SPATA17: variants seen among roughly 807,000 people sequenced by gnomAD.
SPATA17 encodes the protein spermatogenesis-associated protein 17.
SPATA17 carries 53 observed loss-of-function variants against 62.2 expected under a neutral mutation model. The ratio of observed to expected loss-of-function variants is 0.85; its 90% confidence interval spans 0.68 to 1.07. The LOEUF (loss-of-function observed/expected upper bound fraction) is 1.07. Among genes scored for constraint, SPATA17 ranks in the 50% least tolerant of loss-of-function variants. The probability of loss-of-function intolerance (pLI) is 0.00; values close to 1 mark genes in which losing one functional copy is unlikely to be tolerated. For synonymous variants in SPATA17, 146 were observed against 146.8 expected, an observed-to-expected ratio of 0.99 and a Z score of 0.04; for missense variants, 466 against 425.5, an observed-to-expected ratio of 1.10 and a Z score of -0.84.
In SPATA17 at chr1:217,677,555, T is replaced by A. The variant is rs866029692; in HGVS notation, c.292-5703T>A. ...TATTGTTCTGGGCATACAGAATGAA[T>A]AACAGTTTTATTCATACAAAAAAGG... On this transcript the variant is annotated intron_variant, in intron 4 of 10. Transcript: ENST00000366933. Among the ~76,000 whole-genome samples, 3 of 152,148 alleles carry A rather than the reference T, an allele frequency of 2.0e-5. No individual in the cohort carries two copies. The Middle Eastern group carries it at 0.01, about 518-fold the overall frequency.
intron 3 of SPATA17, among the ~76,000 whole-genome samples, chr1:217,654,179 C>T (rs1029933901): frequency 6.7e-6 from 1 of 149,548 alleles, no homozygotes; most frequent in African/African-American, 2.5e-5. Context: ...GCTCTGTTGT[C>T]CAGACTGGAG....
At chr1:217,838,903 C>T (rs1462036224) in intron 9 of SPATA17, among the ~76,000 whole-genome samples, 1 of 152,052 alleles carries the variant, frequency 6.6e-6, no homozygotes, top group African/African-American at 2.4e-5. Flanking sequence ...TATATGAAAT[C>T]ACTGTTTTGC....
In SPATA17 at chr1:217,754,540, G is replaced by GGACACATCTAA. The variant is rs1672996139; in HGVS notation, c.519+12442_519+12443insGACACATCTAA. 3.3e-5 allele frequency among the ~76,000 whole-genome samples: 5 copies of GGACACATCTAA among 152,100 alleles called. No homozygotes were observed. The South Asian group carries it at 1.0e-3, about 32-fold the overall frequency. ...ACACTTCAGAAATATTTTGGATTGA[G>GGACACATCTAA]CCCAGTCATGAGTTAGATGCTATTA... On this transcript the variant is annotated intron_variant, in intron 6 of 10. Transcript: ENST00000366933.
At chr1:217,845,299 T>C (rs1403224086) in intron 9 of SPATA17, among the ~76,000 whole-genome samples, 1 of 152,128 alleles carries the variant, frequency 6.6e-6, no homozygotes. Flanking sequence ...GAGCACTAGA[T>C]GCATTCACTA....
chr1:217,714,488 C>CTTTTTTTTTTTTTT lies in SPATA17; in HGVS notation c.396-27486_396-27473dup, dbSNP rs750665329. Among the ~76,000 whole-genome samples, 144 of 121,360 alleles carry CTTTTTTTTTTTTTT rather than the reference C, an allele frequency of 1.2e-3. 11 individuals are homozygous for CTTTTTTTTTTTTTT. The highest frequency in any genetic ancestry group is 2.7e-3 in the African/African-American group (83 of 30,664). The allele number at this position is 121,360 out of a possible 152,430, so 79.6% of individuals were successfully genotyped here. On this transcript the variant is annotated intron_variant, in intron 5 of 10. Coordinates refer to ENST00000366933, the MANE Select transcript of SPATA17 (RefSeq NM_138796.4). ...TGAGTTGAACGTGGAAAACGTGTTTCTTTTTTTTTTTTTTGAGACAGAGTC... is the reference window on the plus strand; with the variant it reads ...TGAGTTGAACGTGGAAAACGTGTTTCTTTTTTTTTTTTTTTTTTTTTTTTTTTTGAGACAGAGTC...
chr1:217,684,964 T>C (rs961139971), intron 5 of SPATA17, among the ~76,000 whole-genome samples: 1 of 152,142 alleles, frequency 6.6e-6, no homozygotes, highest in Admixed American at 6.5e-5. Context: ...AAGGCTTCAA[T>C]AGGATTTAGT....
intron 2 of SPATA17, among the ~76,000 whole-genome samples, chr1:217,650,451 C>G (rs1305909444): frequency 6.6e-6 from 1 of 151,954 alleles, no homozygotes; most frequent in African/African-American, 2.4e-5. Flanking sequence ...GAGTCTTGCT[C>G]TGTCACCCAG....
chr1:217,722,327 T>C (rs575973086), intron 5 of SPATA17, among the ~76,000 whole-genome samples: 1 of 152,088 alleles, frequency 6.6e-6, no homozygotes, highest in Non-Finnish European at 1.5e-5. Context: ...ACATTAGCCA[T>C]CCTGCAGGTA....
At chr1:217,712,128 C>CTTTTTTTTTTTTTTTTTTTTTTTTT (rs551988828) in intron 5 of SPATA17, among the ~76,000 whole-genome samples, 3 of 134,118 alleles carry the variant, frequency 2.2e-5, no homozygotes, top group African/African-American at 5.7e-5. Context: ...ACAATATGTT[C>CTTTTTTTTTTTTTTTTTTTTTTTTT]TTTTGTTTTT....
chr1:217,804,818 C>A (rs1674395547), intron 9 of SPATA17, among the ~76,000 whole-genome samples: 1 of 152,068 alleles, frequency 6.6e-6, no homozygotes, highest in Non-Finnish European at 1.5e-5. Context: ...CAGGGAAATG[C>A]AAACAGAAAC....
intron 1 of SPATA17, among the ~76,000 whole-genome samples, chr1:217,631,920 C>T (rs11589536): frequency 6.6e-6 from 1 of 151,934 alleles, no homozygotes; most frequent in Non-Finnish European, 1.5e-5. Context: ...TGGTGGCTCA[C>T]GCCTGTAATC....
At chr1:217,860,433 T>A (rs1349435604) in intron 9 of SPATA17, among the ~76,000 whole-genome samples, 2 of 152,150 alleles carry the variant, frequency 1.3e-5, no homozygotes, top group East Asian at 3.9e-4. Flanking sequence ...GGTAGTACTC[T>A]TCAATTATAT....
Position 217,867,295 on chromosome 1 carries a change from C to T in SPATA17, c.*276C>T, listed in dbSNP as rs953358300. The T allele has an allele frequency of 6.6e-6, 1 of 152,122 alleles. No homozygotes were observed. Among genetic ancestry groups the T allele is most frequent in the Non-Finnish European group, 1.5e-5 (1 of 68,026 alleles). The allele number at this position is 152,122 out of a possible 1,614,324, so 9.4% of individuals were successfully genotyped here. Reference sequence around the variant, plus strand: ...GACCAACAGTGCCATAAATGGTTCCCCTGAAATACCCATATTCTGACCCCA... The same window carrying T: ...GACCAACAGTGCCATAAATGGTTCCTCTGAAATACCCATATTCTGACCCCA... On this transcript the variant is annotated 3_prime_UTR_variant, in exon 11 of 11. Coordinates refer to ENST00000366933, the MANE Select transcript of SPATA17 (RefSeq NM_138796.4).
chr1:217,763,397 GAA>G (rs35735781), intron 6 of SPATA17, among the ~76,000 whole-genome samples: 10 of 146,998 alleles, frequency 6.8e-5, no homozygotes, highest in East Asian at 4.0e-4. Context: ...TAAGCAGATG[GAA>G]AAAAAAAAAC....
chr1:217,862,483 G>T (rs1165432814), intron 9 of SPATA17, among the ~76,000 whole-genome samples: 1 of 152,118 alleles, frequency 6.6e-6, no homozygotes, highest in African/African-American at 2.4e-5. Flanking sequence ...AATTTAGATT[G>T]CGACTCATTG....
chr1:217,750,706 G>T (rs1300864209), intron 6 of SPATA17, among the ~76,000 whole-genome samples: 1 of 152,156 alleles, frequency 6.6e-6, no homozygotes, highest in Non-Finnish European at 1.5e-5. Flanking sequence ...CCAGTAGTTT[G>T]TATGAATGTT....
chr1:217,705,048 C>T (rs533358995), intron 5 of SPATA17, among the ~76,000 whole-genome samples: 18 of 152,150 alleles, frequency 1.2e-4, no homozygotes, highest in East Asian at 1.9e-4. Context: ...CCTTTTTTTG[C>T]GACCTTGCCA....
In SPATA17 at chr1:217,801,796, T is replaced by A. The variant is rs1484808364; in HGVS notation, c.951T>A (p.Ile317=). Residue 317 remains isoleucine, a synonymous_variant, in exon 9 of 11, where the codon ATT becomes ATA. Transcript: ENST00000366933. Reference sequence around the variant, plus strand: ...ATTTATCAAGCAAGTATGGTCCTATTTCTTACAAAGAACAATTCCGAAGTG... The same window carrying A: ...ATTTATCAAGCAAGTATGGTCCTATATCTTACAAAGAACAATTCCGAAGTG... ...SMHLSSKYGP[I]SYKEQFRSEN... 6 of 1,611,864 alleles carry A rather than the reference T, an allele frequency of 3.7e-6. No individual in the cohort carries two copies. The highest frequency in any genetic ancestry group is 4.2e-6 in the Non-Finnish European group (5 of 1,179,164).
intron 5 of SPATA17, among the ~76,000 whole-genome samples, chr1:217,728,266 T>C (rs1672316520): frequency 6.6e-6 from 1 of 152,144 alleles, no homozygotes; most frequent in South Asian, 2.1e-4. Context: ...CACATTAAAA[T>C]TGCTAACATA....
Sources: allele counts gnomAD v4.1 joint callset (sites outside exome capture counted in the v4.1 genomes callset), GRCh38; gene constraint gnomAD v4.1.1; transcripts MANE v1.5; gene names NCBI Gene and HGNC (gene_info 2026-07-23, HGNC 2026-07-21).